SMCO2: variants seen among roughly 807,000 people sequenced by gnomAD.
SMCO2 encodes the protein single-pass membrane protein with coiled-coil domains 2, also known as single-pass membrane and coiled-coil domain-containing protein 2.
Under a neutral mutation model 29.5 loss-of-function variants are expected in SMCO2, and 25 were observed. The ratio of observed to expected loss-of-function variants is 0.85; its 90% CI spans 0.62 to 1.18. SMCO2 has a LOEUF of 1.18. Ranked by LOEUF, SMCO2 falls within the 50% of genes most tolerant of loss-of-function variation. The pLI, the probability that SMCO2 is intolerant of heterozygous loss-of-function variation, is 0.00. For synonymous variants in SMCO2, 117 were observed against 123.3 expected (o/e 0.95, Z 0.34); for missense variants, 348 against 344.5 (o/e 1.01, Z -0.08).
intron 7 of SMCO2, among the ~76,000 whole-genome samples, chr12:27,500,473 A>C (rs1379831359): frequency 6.6e-6 from 1 of 150,424 alleles, no homozygotes; most frequent in Non-Finnish European, 1.5e-5. Context: ...TAGTTTCCTC[A>C]TTTCTCTGTT....
the SMCO2 span, among the ~76,000 whole-genome samples, chr12:27,439,525 C>T: frequency 2.6e-5 from 4 of 152,110 alleles, no homozygotes; most frequent in Admixed American, 1.3e-4. Flanking sequence ...CCTAACAAGA[C>T]GGCAATTTGT....
At chr12:27,495,632 G>A in intron 6 of SMCO2, 48 bp from the exon 8 acceptor site, 1 of 1,412,196 alleles carries the variant, frequency 7.1e-7, no homozygotes, top group Non-Finnish European at 9.4e-7. Context: ...GTAAGACTTG[G>A]AGACATTTAG....
At chr12:27,479,273 C>T (rs957384857) in intron 4 of SMCO2, among the ~76,000 whole-genome samples, 20 of 151,770 alleles carry the variant, frequency 1.3e-4, no homozygotes, top group Non-Finnish European at 2.4e-4. Context: ...ACAGTGATGG[C>T]AGTGGGTGGG....
chr12:27,473,941 C>G (rs893406998), intron 3 of SMCO2, among the ~76,000 whole-genome samples: 23 of 152,152 alleles, frequency 1.5e-4, no homozygotes, highest in African/African-American at 5.1e-4. Context: ...GGATGCTTTT[C>G]TAGAACATGG....
At chr12:27,500,246 A>C (rs1265500812) in intron 7 of SMCO2, among the ~76,000 whole-genome samples, 1 of 150,508 alleles carries the variant, frequency 6.6e-6, no homozygotes, top group Non-Finnish European at 1.5e-5. Flanking sequence ...TGACTTGTAA[A>C]TAAAAATCAA....
the SMCO2 span, among the ~76,000 whole-genome samples, chr12:27,438,271 G>A: frequency 2.0e-5 from 3 of 152,240 alleles, no homozygotes; most frequent in Admixed American, 2.0e-4. Context: ...CTTCATCCTA[G>A]GGCTGCTTTC....
the SMCO2 span, among the ~76,000 whole-genome samples, chr12:27,453,074 A>G: frequency 2.0e-5 from 3 of 152,296 alleles, no homozygotes; most frequent in East Asian, 1.9e-4. Flanking sequence ...TGCTATCCCA[A>G]TGGCCAAAGG....
At chr12:27,476,606 A>T (rs1051607962) in intron 4 of SMCO2, among the ~76,000 whole-genome samples, 1 of 152,062 alleles carries the variant, frequency 6.6e-6, no homozygotes, top group Non-Finnish European at 1.5e-5. Flanking sequence ...TTTTGTCATT[A>T]TATAATACCC....
intron 4 of SMCO2, among the ~76,000 whole-genome samples, chr12:27,479,767 C>T (rs529445892): frequency 6.6e-6 from 1 of 152,306 alleles, no homozygotes; most frequent in South Asian, 2.1e-4. Context: ...TGCCTGCCAC[C>T]ATGTAAGACA....
chr12:27,452,765 G>A, the SMCO2 span, among the ~76,000 whole-genome samples: 1 of 152,172 alleles, frequency 6.6e-6, no homozygotes, highest in African/African-American at 2.4e-5. Flanking sequence ...TGGGATTACA[G>A]ATAAGAGCCA....
At chr12:27,501,265 A>T (rs1353841312) in intron 7 of SMCO2, among the ~76,000 whole-genome samples, 1 of 147,610 alleles carries the variant, frequency 6.8e-6, no homozygotes. Flanking sequence ...AAATACAAAA[A>T]ATTAGCCGGG....
At chr12:27,441,377 A>G in the SMCO2 span, among the ~76,000 whole-genome samples, 1 of 152,362 alleles carries the variant, frequency 6.6e-6, no homozygotes, top group African/African-American at 2.4e-5. Flanking sequence ...ACCGAAAGTG[A>G]TAGGGTTGAG....
chr12:27,434,286 C>T, the SMCO2 span, among the ~76,000 whole-genome samples: 291 of 152,232 alleles, frequency 1.9e-3, no homozygotes, highest in Non-Finnish European at 3.0e-3. Context: ...AATATGGGGC[C>T]CAGAAACATG....
chr12:27,472,711 G>C, intron 2 of SMCO2, 65 bp from the exon 3 acceptor site: 1 of 1,224,576 alleles, frequency 8.2e-7, no homozygotes, highest in South Asian at 1.3e-5. Flanking sequence ...GAAAGGAGTA[G>C]TGCAGGCCCA....
chr12:27,480,911 C>G (rs1472180559), intron 4 of SMCO2, among the ~76,000 whole-genome samples: 1 of 152,148 alleles, frequency 6.6e-6, no homozygotes, highest in African/African-American at 2.4e-5. Context: ...TATAGCAATG[C>G]AAGAACAGAC....
the SMCO2 span, among the ~76,000 whole-genome samples, chr12:27,461,685 T>G: frequency 7.2e-5 from 11 of 152,234 alleles, no homozygotes; most frequent in Non-Finnish European, 1.3e-4. Context: ...ATTCATTGAA[T>G]TACAATTACT....
exon 3 of SMCO2, chr12:27,472,857 A>G (rs1391472159): frequency 1.3e-6 from 2 of 1,550,504 alleles, no homozygotes. Flanking sequence ...AAAACCCTCA[A>G]ACTGACTTCC....
At chr12:27,460,108 T>C in the SMCO2 span, among the ~76,000 whole-genome samples, 1 of 152,244 alleles carries the variant, frequency 6.6e-6, no homozygotes, top group African/African-American at 2.4e-5. Flanking sequence ...GTATTACCAA[T>C]TCCCAGCTGC....
At chr12:27,427,318 T>C in the SMCO2 span, among the ~76,000 whole-genome samples, 1 of 152,344 alleles carries the variant, frequency 6.6e-6, no homozygotes, top group Non-Finnish European at 1.5e-5. Flanking sequence ...TGGTCTGACT[T>C]GGAGCTTGGG....
Sources: allele counts gnomAD v4.1 joint callset (sites outside exome capture counted in the v4.1 genomes callset), GRCh38; gene constraint gnomAD v4.1.1; transcripts MANE v1.5; gene names NCBI Gene and HGNC (gene_info 2026-07-23, HGNC 2026-07-21).